Variants in SV2B observed in about 807,000 individuals in gnomAD.
The protein encoded by SV2B is solute carrier family 22 member B2.
In SV2B, 41 loss-of-function variants were observed where a neutral mutation model predicts 73.9. The observed-to-expected ratio is 0.56, with a 90% CI of 0.43 to 0.72. The LOEUF (loss-of-function observed/expected upper bound fraction) is 0.72. Among genes scored for constraint, SV2B ranks in the 30% least tolerant of loss-of-function variants. SV2B has a pLI of 0.00. For synonymous variants in SV2B, 314 were observed against 314.2 expected (o/e 1.00, Z 0.01); for missense variants, 764 against 857.8 (o/e 0.89, Z 1.37).
intron 2 of SV2B, among the ~76,000 whole-genome samples, chr15:91,230,442 A>G (rs1489181735): frequency 1.3e-5 from 2 of 152,128 alleles, no homozygotes; most frequent in Non-Finnish European, 2.9e-5. Flanking sequence ...ATAAAGAAAT[A>G]TCCCTTGGCC....
At chr15:91,225,394 A>C (rs1198735990) in intron 1 of SV2B, among the ~76,000 whole-genome samples, 1 of 152,244 alleles carries the variant, frequency 6.6e-6, no homozygotes, top group Non-Finnish European at 1.5e-5. Flanking sequence ...TCGTAGCAGA[A>C]ACAGCTATAA....
Position 91,253,854 on chromosome 15 carries a change from A to G in SV2B, c.784+1334A>G, listed in dbSNP as rs2047582126. ...CAGTTTAGCTGTGTGCCCACAAAGTAGAGGAAGTGGGTTTGGGAACACCAT... is the reference window on the plus strand; with the variant it reads ...CAGTTTAGCTGTGTGCCCACAAAGTGGAGGAAGTGGGTTTGGGAACACCAT... On this transcript the variant is annotated intron_variant, in intron 4 of 12. Transcript: ENST00000394232. The surrounding 1 kb of genome is among the most constrained non-coding windows in gnomAD (Gnocchi z 5.0). Among the ~76,000 whole-genome samples the G allele has an allele frequency of 6.6e-6, 1 of 152,232 alleles. No homozygotes were observed. The highest frequency in any genetic ancestry group is 2.4e-5 in the African/African-American group (1 of 41,466).
chr15:91,284,752 T>C lies in SV2B; in HGVS notation c.1708+531T>C, dbSNP rs954107919. On this transcript the variant is annotated intron_variant, in intron 11 of 12. Transcript: ENST00000394232. The surrounding 1 kb of genome is among the most constrained non-coding windows in gnomAD (Gnocchi z 4.5). Reference sequence around the variant, plus strand: ...TTCCTTATTTATAAGAGAATGATTTTCCACATCCAGCTGGTAGGGTTTTGT... The same window carrying C: ...TTCCTTATTTATAAGAGAATGATTTCCCACATCCAGCTGGTAGGGTTTTGT... Among the ~76,000 whole-genome samples, 1 of 152,220 alleles carries C rather than the reference T, an allele frequency of 6.6e-6. No homozygotes were observed. The highest frequency in any genetic ancestry group is 2.4e-5 in the African/African-American group (1 of 41,452).
chr15:91,234,322 A>G lies in SV2B; in HGVS notation c.451+7608A>G, dbSNP rs145802732. ...AGTGTTCTTAAAGAGATCTGTGATT[A>G]CTGTGCTCTCTGGAACAGACCTTAC... On this transcript the variant is annotated intron_variant, in intron 2 of 12. Coordinates refer to ENST00000394232, the MANE Select transcript of SV2B (RefSeq NM_001323032.3). This position sits in a 1 kb window ranked among gnomAD's most constrained non-coding sequence, Gnocchi z 5.6. Among the ~76,000 whole-genome samples the G allele has an allele frequency of 6.6e-5, 10 of 152,332 alleles. No individual in the cohort carries two copies. In the East Asian group the frequency reaches 1.9e-3, roughly 29 times the overall value.
chr15:91,140,093 A>G lies in SV2B; in HGVS notation c.-392+39730A>G, dbSNP rs1218349620. Among the ~76,000 whole-genome samples the G allele has an allele frequency of 1.3e-5, 2 of 152,222 alleles. No homozygotes were observed. The highest frequency in any genetic ancestry group is 3.8e-4 in the East Asian group (2 of 5,198). ...CAGACATAATAAATCAGAAACTCAG[A>G]GGATGGGCCCAGTAGGTGATTCTGA... On this transcript the variant is annotated intron_variant, in intron 1 of 12. Coordinates refer to ENST00000394232, the MANE Select transcript of SV2B (RefSeq NM_001323032.3). The surrounding 1 kb of genome is among the most constrained non-coding windows in gnomAD (Gnocchi z 4.4).
intron 1 of SV2B, among the ~76,000 whole-genome samples, chr15:91,133,286 G>A (rs2042712828): frequency 1.3e-5 from 2 of 152,112 alleles, no homozygotes; most frequent in Non-Finnish European, 2.9e-5. Flanking sequence ...AGGAAGCAAA[G>A]GGTTTTGATG....
chr15:91,226,113 G>A lies in SV2B; in HGVS notation c.-151G>A, dbSNP rs2046367804. 2.8e-6 allele frequency: 2 copies of A among 719,796 alleles called. No individual in the cohort carries two copies. Among genetic ancestry groups the A allele is most frequent in the Non-Finnish European group, 4.5e-6 (2 of 445,214 alleles). 44.6% of individuals were successfully genotyped at this position (719,796 alleles called of 1,614,324 possible). ...GTTGATTTGAGAGATAAAGGGGGGG[G>A]GAACCAGTGTGACTTTCACCTAAGA... is the stretch of plus-strand genomic sequence containing the variant. On this transcript the variant is annotated 5_prime_UTR_variant, in exon 2 of 13. Coordinates refer to ENST00000394232, the MANE Select transcript of SV2B (RefSeq NM_001323032.3).
In SV2B at chr15:91,124,882, G is replaced by GA. The variant is rs2042431941; in HGVS notation, c.-392+24520dup. Among the ~76,000 whole-genome samples, 1 of 152,130 alleles carries GA rather than the reference G, an allele frequency of 6.6e-6. No homozygotes were observed. Among genetic ancestry groups the GA allele is most frequent in the South Asian group, 2.1e-4 (1 of 4,818 alleles). On this transcript the variant is annotated intron_variant, in intron 1 of 12. Transcript: ENST00000394232. The surrounding 1 kb of genome is among the most constrained non-coding windows in gnomAD (Gnocchi z 4.6). ...TTGGCCAGGCTGGTCTCGAACTCCT[G>GA]ACTTCAAGTGATCCACCCGCCTCGG...
In SV2B at chr15:91,302,159, G is replaced by T. The variant is rs561720426; in HGVS notation, c.*9607G>T. 6.6e-6 allele frequency among the ~76,000 whole-genome samples: 1 copy of T among 152,196 alleles called. No homozygotes were observed. Among genetic ancestry groups the T allele is most frequent in the Admixed American group, 6.5e-5 (1 of 15,290 alleles). On this transcript the variant is annotated 3_prime_UTR_variant, in exon 13 of 13. Coordinates refer to ENST00000394232, the MANE Select transcript of SV2B (RefSeq NM_001323032.3). ...TTGTGACTAACACAGTATTTGATACGTAGTAGGTCTCAATAGATGATGAAT... is the reference window on the plus strand; with the variant it reads ...TTGTGACTAACACAGTATTTGATACTTAGTAGGTCTCAATAGATGATGAAT...
chr15:91,247,701 C>T (rs1187268354), intron 2 of SV2B, among the ~76,000 whole-genome samples: 1 of 152,138 alleles, frequency 6.6e-6, no homozygotes, highest in Admixed American at 6.5e-5. Context: ...TGCAGTCAGG[C>T]TGAAACCTAC....
In SV2B at chr15:91,295,588, A is replaced by C. The variant is rs2141829456; in HGVS notation, c.*3036A>C. ...GGCCCAGATTACATGTAATGTGAGG[A>C]GTGGGCGAGAAGGCCTAAGGTGATG... On this transcript the variant is annotated 3_prime_UTR_variant, in exon 13 of 13. Coordinates refer to ENST00000394232, the MANE Select transcript of SV2B (RefSeq NM_001323032.3). 1 of 152,274 alleles carries C rather than the reference A, an allele frequency of 6.6e-6. No individual in the cohort carries two copies. The highest frequency in any genetic ancestry group is 2.1e-4 in the South Asian group (1 of 4,818). The allele number at this position is 152,274 out of a possible 1,614,324, so 9.4% of individuals were successfully genotyped here.
intron 1 of SV2B, among the ~76,000 whole-genome samples, chr15:91,103,020 C>T (rs1457283376): frequency 6.6e-6 from 1 of 152,208 alleles, no homozygotes; most frequent in East Asian, 1.9e-4. Flanking sequence ...GACCTGAGGT[C>T]ATAGGGGCAA....
rs1426024857 is a variant in SV2B at position 91,106,614 on chromosome 15, A to G, written c.-392+6251A>G. Among the ~76,000 whole-genome samples the G allele has an allele frequency of 6.6e-6, 1 of 152,220 alleles. No individual in the cohort carries two copies. Among genetic ancestry groups the G allele is most frequent in the East Asian group, 1.9e-4 (1 of 5,206 alleles). On this transcript the variant is annotated intron_variant, in intron 1 of 12. Transcript: ENST00000394232. This position sits in a 1 kb window ranked among gnomAD's most constrained non-coding sequence, Gnocchi z 4.4. ...AATCGCTTATATCATACGGAAAGCA[A>G]CGTGTGGTGACAAGAAAGAAAGAGG...
intron 1 of SV2B, among the ~76,000 whole-genome samples, chr15:91,102,735 G>A (rs1248943439): frequency 6.6e-6 from 1 of 152,250 alleles, no homozygotes; most frequent in African/African-American, 2.4e-5. Flanking sequence ...TGCTGCCAGA[G>A]GGCAGGGTGG....
chr15:91,290,733 A>G lies in SV2B; in HGVS notation c.1868+1053A>G, dbSNP rs1311231321. On this transcript the variant is annotated intron_variant, in intron 12 of 12. Coordinates refer to ENST00000394232, the MANE Select transcript of SV2B (RefSeq NM_001323032.3). The surrounding 1 kb of genome is among the most constrained non-coding windows in gnomAD (Gnocchi z 4.7). ...TACTAAGAGATATAAAAAAAGACAC[A>G]TAAGAGAAGATAAATATATGCCAAC... 6.6e-6 allele frequency among the ~76,000 whole-genome samples: 1 copy of G among 152,256 alleles called. No homozygotes were observed. The highest frequency in any genetic ancestry group is 1.5e-5 in the Non-Finnish European group (1 of 68,042).
rs2048837625 is a variant in SV2B at position 91,285,709 on chromosome 15, C to T, written c.1708+1488C>T. ...GACATGAGACACTTCCGCCATTTGTCACCAGCCTTATGAGTCCCAGAGTTT... is the reference window on the plus strand; with the variant it reads ...GACATGAGACACTTCCGCCATTTGTTACCAGCCTTATGAGTCCCAGAGTTT... On this transcript the variant is annotated intron_variant, in intron 11 of 12. Transcript: ENST00000394232. Among the ~76,000 whole-genome samples, 3 of 152,222 alleles carry T rather than the reference C, an allele frequency of 2.0e-5. No individual in the cohort carries two copies. In the South Asian group the frequency reaches 6.2e-4, roughly 32 times the overall value.
chr15:91,296,227 G>C lies in SV2B; in HGVS notation c.*3675G>C, dbSNP rs536535909. ...GGTGAGTGGGGTAAGAATCCCCGTAGCCCTGGGAAAGGTGTCTCCACTTCC... is the reference window on the plus strand; with the variant it reads ...GGTGAGTGGGGTAAGAATCCCCGTACCCCTGGGAAAGGTGTCTCCACTTCC... On this transcript the variant is annotated 3_prime_UTR_variant, in exon 13 of 13. Coordinates refer to ENST00000394232, the MANE Select transcript of SV2B (RefSeq NM_001323032.3). 2 of 152,372 alleles carry C rather than the reference G, an allele frequency of 1.3e-5. No homozygotes were observed. The highest frequency in any genetic ancestry group is 2.1e-4 in the South Asian group (1 of 4,818). 9.4% of individuals were successfully genotyped at this position (152,372 alleles called of 1,614,324 possible). A position where few individuals can be genotyped will look rare whatever the true frequency, so the allele number is the denominator to read the frequency against.
At chr15:91,270,910 C>T (rs1413509475) in intron 9 of SV2B, among the ~76,000 whole-genome samples, 3 of 138,270 alleles carry the variant, frequency 2.2e-5, no homozygotes, top group Non-Finnish European at 3.1e-5. Context: ...ACGGTGAGTC[C>T]TGTGGACGAT....
At chr15:91,127,771 T>C (rs1175114906) in intron 1 of SV2B, among the ~76,000 whole-genome samples, 1 of 152,116 alleles carries the variant, frequency 6.6e-6, no homozygotes. Flanking sequence ...GCATGCTGCC[T>C]CCATAGTGGA....
Sources: allele counts gnomAD v4.1 joint callset (sites outside exome capture counted in the v4.1 genomes callset), GRCh38; gene constraint gnomAD v4.1.1; non-coding constraint Gnocchi (gnomAD v3.1); transcripts MANE v1.5; gene names NCBI Gene and HGNC (gene_info 2026-07-23, HGNC 2026-07-21).